The following TUBGCP2 variants were observed in gnomAD, a reference collection of about 807,000 sequenced individuals.
TUBGCP2 encodes the protein gamma-tubulin complex component 2.
A neutral mutation model predicts 92.2 loss-of-function variants in TUBGCP2; 55 were observed. The observed-to-expected ratio is 0.60, with a 90% CI of 0.48 to 0.75. The LOEUF is 0.75. TUBGCP2 is among the 30% of genes least tolerant of loss of function. The pLI is 0.00. For synonymous variants in TUBGCP2, 533 were observed against 505.2 expected (o/e 1.06, Z -0.74); for missense variants, 1,093 against 1,188.9 (o/e 0.92, Z 1.19).
chr10:133,283,284 G>A (rs572705611), intron 14 of TUBGCP2, 63 bp from the exon 15 acceptor site: 119 of 1,605,400 alleles, frequency 7.4e-5, no homozygotes, highest in Admixed American at 1.8e-4. Flanking sequence ...CCCTGCATGC[G>A]CACGTGCTCA....
intron 5 of TUBGCP2, chr10:133,295,313 G>C (rs550467244): frequency 2.0e-5 from 3 of 152,432 alleles, no homozygotes; most frequent in African/African-American, 4.8e-5. Context: ...TGCGTGTGAT[G>C]GTGCACACCT....
At chr10:133,307,479 A>G (rs1847852715) in intron 1 of TUBGCP2, among the ~76,000 whole-genome samples, 1 of 152,262 alleles carries the variant, frequency 6.6e-6, no homozygotes, top group Non-Finnish European at 1.5e-5. Flanking sequence ...ACTTGTGGAA[A>G]ATGTCAAGAG....
At chr10:133,296,482 G>GTT (rs898690310) in intron 5 of TUBGCP2, among the ~76,000 whole-genome samples, 4 of 143,818 alleles carry the variant, frequency 2.8e-5, no homozygotes, top group African/African-American at 2.5e-5. Flanking sequence ...AGACTGCTTT[G>GTT]TTTTTTTTTT....
At chr10:133,299,735 C>A in intron 3 of TUBGCP2, 132 bp from the exon 4 acceptor site, 2 of 894,242 alleles carry the variant, frequency 2.2e-6, no homozygotes, top group South Asian at 1.7e-5. Flanking sequence ...GCGACGCGTG[C>A]GACAGGCAGG....
At chr10:133,300,154 A>C in intron 2 of TUBGCP2, 41 bp from the exon 3 acceptor site, 1 of 1,589,550 alleles carries the variant, frequency 6.3e-7, no homozygotes, top group Non-Finnish European at 8.6e-7. Flanking sequence ...ACGGTAATTA[A>C]TAAAGCACTG....
At chr10:133,303,726 T>A (rs983212726) in intron 1 of TUBGCP2, among the ~76,000 whole-genome samples, 4 of 152,184 alleles carry the variant, frequency 2.6e-5, no homozygotes, top group Non-Finnish European at 5.9e-5. Context: ...ACCCGTGACA[T>A]CTCCTTTTCT....
intron 16 of TUBGCP2, among the ~76,000 whole-genome samples, chr10:133,281,922 G>A (rs771074043): frequency 9.2e-5 from 14 of 152,276 alleles, no homozygotes; most frequent in Non-Finnish European, 1.6e-4. Context: ...ACTCAGGACC[G>A]AGCTCAGCAG....
chr10:133,299,978 C>T lies in TUBGCP2; in HGVS notation c.279+7G>A, dbSNP rs1289364903. 1 of 1,613,766 alleles carries T rather than the reference C, an allele frequency of 6.2e-7. No homozygotes were observed. The highest frequency in any genetic ancestry group is 8.5e-7 in the Non-Finnish European group (1 of 1,179,750). ...GGCGCAGTGTGGCACGTGGCATGGGCACCTACCTCTTTGTCTTCCGTGAGC... is the reference window on the plus strand; with the variant it reads ...GGCGCAGTGTGGCACGTGGCATGGGTACCTACCTCTTTGTCTTCCGTGAGC... On this transcript the variant is annotated splice_region_variant and intron_variant, in intron 3 of 17. Coordinates refer to ENST00000252936, the MANE Select transcript of TUBGCP2 (RefSeq NM_006659.4).
intron 2 of TUBGCP2, chr10:133,300,332 T>C: frequency 4.1e-6 from 2 of 483,158 alleles, no homozygotes; most frequent in Non-Finnish European, 7.1e-6. Flanking sequence ...TCCCAGCACT[T>C]TGGGAGGCCG....
At chr10:133,291,265 TCCCCCATGTC>T (rs1847287102) in intron 8 of TUBGCP2, among the ~76,000 whole-genome samples, 1 of 47,116 alleles carries the variant, frequency 2.1e-5, no homozygotes. Flanking sequence ...TCCCTCCGTG[TCCCCCATGTC>T]CCTCCGTGTC....
Position 133,285,740 on chromosome 10 carries a change from A to T in TUBGCP2, c.1723-112T>A. On this transcript the variant is annotated intron_variant, in intron 11 of 17. Coordinates refer to ENST00000252936, the MANE Select transcript of TUBGCP2 (RefSeq NM_006659.4). The surrounding 1 kb of genome is among the most constrained non-coding windows in gnomAD (Gnocchi z 6.8). ...CCAGCGCTGACGTAAGGTTCCCTAC[A>T]TTCCGATTCTAAATATCAGAGGCTT... The T allele has an allele frequency of 9.5e-7, 1 of 1,047,296 alleles. No homozygotes were observed. The highest frequency in any genetic ancestry group is 1.3e-6 in the Non-Finnish European group (1 of 782,324). The allele number at this position is 1,047,296 out of a possible 1,614,324, so 64.9% of individuals were successfully genotyped here.
Position 133,285,531 on chromosome 10 carries a change from TC to T in TUBGCP2, c.1819del (p.Glu607SerfsTer4). On this transcript the variant is annotated frameshift_variant, in exon 12 of 18. Coordinates refer to ENST00000252936, the MANE Select transcript of TUBGCP2 (RefSeq NM_006659.4). LOFTEE classifies it high-confidence loss of function. This position sits in a 1 kb window ranked among gnomAD's most constrained non-coding sequence, Gnocchi z 6.8. ...GGCCTCCAGGCCGCTCAGCGCCAGC[TC>T]CGTGGGGTCGGCGTGCGCCATCGCC... ...EKAMAHADPT[E>X]LALSGLEAFS... 1 of 1,599,752 alleles carries T rather than the reference TC, an allele frequency of 6.3e-7. No homozygotes were observed. Among genetic ancestry groups the T allele is most frequent in the Non-Finnish European group, 8.5e-7 (1 of 1,170,602 alleles).
intron 11 of TUBGCP2, among the ~76,000 whole-genome samples, chr10:133,286,597 G>A (rs899036201): frequency 1.3e-5 from 2 of 151,778 alleles, no homozygotes; most frequent in Non-Finnish European, 2.9e-5. Context: ...CGGAACCGAG[G>A]GCACATCCTC....
intron 2 of TUBGCP2, among the ~76,000 whole-genome samples, chr10:133,300,936 T>C (rs377008143): frequency 1.4e-5 from 2 of 139,448 alleles, no homozygotes; most frequent in African/African-American, 6.4e-5. Context: ...TATGCGTTCA[T>C]TGTATGCATC....
chr10:133,304,995 G>A (rs745411578), intron 1 of TUBGCP2, among the ~76,000 whole-genome samples: 24 of 152,182 alleles, frequency 1.6e-4, no homozygotes, highest in South Asian at 4.2e-4. Flanking sequence ...AAAAACACCC[G>A]CTACTTAGCA....
At chr10:133,299,883 G>T in intron 3 of TUBGCP2, 102 bp downstream of exon 3, 1 of 1,486,376 alleles carries the variant, frequency 6.7e-7, no homozygotes, top group Non-Finnish European at 9.1e-7. Flanking sequence ...GTGTGAGCGA[G>T]GAAGAGCTGA....
Position 133,292,923 on chromosome 10 carries a change from A to G in TUBGCP2, c.1024+116T>C. 3 of 1,258,120 alleles carry G rather than the reference A, an allele frequency of 2.4e-6. No homozygotes were observed. In the South Asian group the frequency reaches 4.4e-5, roughly 18 times the overall value. 77.9% of individuals were successfully genotyped at this position (1,258,120 alleles called of 1,614,324 possible). A position where few individuals can be genotyped will look rare whatever the true frequency, so the allele number is the denominator to read the frequency against. ...ATGGAGCAACATGAGCTTTGGCCAC[A>G]CGCCCCTGCCCTGGGCAGCTGCTCC... On this transcript the variant is annotated intron_variant, in intron 7 of 17. Coordinates refer to ENST00000252936, the MANE Select transcript of TUBGCP2 (RefSeq NM_006659.4).
chr10:133,311,337 C>T (rs185375605), upstream of TUBGCP2, among the ~76,000 whole-genome samples: 3 of 152,184 alleles, frequency 2.0e-5, no homozygotes, highest in South Asian at 2.1e-4. Context: ...GGAGAAAAAC[C>T]GTGCAATGCT....
chr10:133,308,448 T>C (rs1048593091), intron 1 of TUBGCP2: 2 of 152,464 alleles, frequency 1.3e-5, no homozygotes, highest in African/African-American at 4.8e-5. Context: ...TGGCTCCAGT[T>C]CGCGACTGGT....
Sources: gnomAD v4.1 joint callset for allele counts (sites outside exome capture counted in the v4.1 genomes callset) on GRCh38, gnomAD v4.1.1 for gene constraint, Gnocchi (gnomAD v3.1) non-coding constraint, MANE v1.5 for transcripts, NCBI Gene and HGNC (gene_info 2026-07-23, HGNC 2026-07-21) for gene names.